The following HERC3 variants were observed in gnomAD, a reference collection of about 807,000 sequenced individuals.
HERC3 encodes HECT and RLD domain containing E3 ubiquitin protein ligase 3.
HERC3 carries 58 observed loss-of-function variants against 129.9 expected under a neutral mutation model. The observed-to-expected ratio is 0.45, with a 90% CI of 0.36 to 0.56. The LOEUF is 0.56. Ranked by LOEUF, HERC3 falls within the 20% of genes least tolerant of loss-of-function variation. The pLI, the probability that HERC3 is intolerant of heterozygous loss-of-function variation, is 0.00. For synonymous variants in HERC3, 430 were observed against 451.0 expected (o/e 0.95, Z 0.59); for missense variants, 835 against 1,244.2 (o/e 0.67, Z 4.95).
chr4:88,542,471 G>A, the HERC3 span, among the ~76,000 whole-genome samples: 3 of 152,236 alleles, frequency 2.0e-5, no homozygotes, highest in African/African-American at 7.2e-5. Flanking sequence ...AAAAAGTCCA[G>A]GACCAGATGG....
At chr4:88,663,102 G>C (rs1730672567) in intron 11 of HERC3, among the ~76,000 whole-genome samples, 1 of 151,952 alleles carries the variant, frequency 6.6e-6, no homozygotes, top group Admixed American at 6.6e-5. Flanking sequence ...GCTTTCCTCA[G>C]CCTCTCCACT....
chr4:88,666,921 A>G (rs1188838849), intron 12 of HERC3, among the ~76,000 whole-genome samples: 1 of 152,188 alleles, frequency 6.6e-6, no homozygotes, highest in Non-Finnish European at 1.5e-5. Flanking sequence ...AGGAAGTTCT[A>G]CTGTCATTTG....
At chr4:88,631,506 C>T (rs1244265334) in intron 3 of HERC3, among the ~76,000 whole-genome samples, 4 of 152,144 alleles carry the variant, frequency 2.6e-5, no homozygotes, top group Admixed American at 2.6e-4. Flanking sequence ...ACTAATCTTT[C>T]TCTCTGATTC....
At chr4:88,609,084 G>T (rs1158818957) in intron 3 of HERC3, among the ~76,000 whole-genome samples, 1 of 150,410 alleles carries the variant, frequency 6.6e-6, no homozygotes, top group Non-Finnish European at 1.5e-5. Flanking sequence ...CCAAGGAGTT[G>T]GGGACCAGCC....
chr4:88,705,769 G>A (rs2972031), intron 25 of HERC3, among the ~76,000 whole-genome samples: 12,866 of 152,248 alleles, frequency 0.085, 986 homozygotes, highest in South Asian at 0.33. Context: ...CACAGGGTTT[G>A]ATAGGCAGTC....
At chr4:88,573,349 A>G in the HERC3 span, among the ~76,000 whole-genome samples, 1 of 152,218 alleles carries the variant, frequency 6.6e-6, no homozygotes, top group Non-Finnish European at 1.5e-5. Context: ...ATATAGCCCA[A>G]TCTCTTGATC....
chr4:88,640,870 A>G (rs1263370356), intron 3 of HERC3, among the ~76,000 whole-genome samples: 4 of 152,358 alleles, frequency 2.6e-5, no homozygotes, highest in East Asian at 1.9e-4. Flanking sequence ...TCTAAAAATT[A>G]TATTTGGAGA....
chr4:88,684,229 A>G (rs1733140549), intron 21 of HERC3, among the ~76,000 whole-genome samples: 1 of 152,344 alleles, frequency 6.6e-6, no homozygotes, highest in South Asian at 2.1e-4. Flanking sequence ...CTGCAAGGCT[A>G]TAGTAACCAA....
At chr4:88,612,114 C>T (rs114142970) in intron 3 of HERC3, among the ~76,000 whole-genome samples, 1,888 of 152,194 alleles carry the variant, frequency 0.012, 42 homozygotes, top group African/African-American at 0.042. Flanking sequence ...GTAGATGTGC[C>T]AGAGCAGTGA....
the HERC3 span, among the ~76,000 whole-genome samples, chr4:88,538,211 G>A: frequency 6.6e-6 from 1 of 152,158 alleles, no homozygotes; most frequent in Non-Finnish European, 1.5e-5. Context: ...CGCAGTAAAG[G>A]AACCATGCAG....
intron 2 of HERC3, among the ~76,000 whole-genome samples, chr4:88,597,235 T>C (rs918564406): frequency 2.6e-5 from 4 of 152,232 alleles, no homozygotes; most frequent in Non-Finnish European, 5.9e-5. Flanking sequence ...AATAAAATAT[T>C]AACTATTTCA....
chr4:88,628,710 A>G (rs1237638611), intron 3 of HERC3, among the ~76,000 whole-genome samples: 3 of 152,214 alleles, frequency 2.0e-5, no homozygotes, highest in Non-Finnish European at 4.4e-5. Context: ...CTCATCTTGC[A>G]TTATAATCTA....
the HERC3 span, among the ~76,000 whole-genome samples, chr4:88,540,418 CA>C: frequency 6.6e-6 from 1 of 152,094 alleles, no homozygotes; most frequent in African/African-American, 2.4e-5. Flanking sequence ...AAGAAATGAA[CA>C]AAGCATCCGA....
intron 20 of HERC3, 101 bp from the exon 21 acceptor site, chr4:88,681,058 T>G: frequency 2.7e-6 from 4 of 1,471,368 alleles, no homozygotes. Flanking sequence ...AATGAGACCT[T>G]TATTCTTTTA....
At chr4:88,697,422 G>C in intron 23 of HERC3, 1 of 1,613,998 alleles carries the variant, frequency 6.2e-7, no homozygotes, top group Non-Finnish European at 8.5e-7. Flanking sequence ...GCTTATAGAT[G>C]TCATTATACT....
chr4:88,560,302 T>C, the HERC3 span, among the ~76,000 whole-genome samples: 2 of 152,138 alleles, frequency 1.3e-5, no homozygotes, highest in Non-Finnish European at 2.9e-5. Flanking sequence ...TGAGGTGATA[T>C]CTCATAATGG....
At chr4:88,552,217 C>T in the HERC3 span, among the ~76,000 whole-genome samples, 4 of 151,260 alleles carry the variant, frequency 2.6e-5, no homozygotes, top group Non-Finnish European at 4.4e-5. Flanking sequence ...CACACCAGCA[C>T]GGCACATGTA....
chr4:88,588,939 G>A (rs1281168864), upstream of HERC3, among the ~76,000 whole-genome samples: 1 of 152,104 alleles, frequency 6.6e-6, no homozygotes, highest in Non-Finnish European at 1.5e-5. Flanking sequence ...CAAAAGTTAT[G>A]GTTAGTTTAA....
chr4:88,571,993 C>T, the HERC3 span, among the ~76,000 whole-genome samples: 1 of 152,066 alleles, frequency 6.6e-6, no homozygotes, highest in Non-Finnish European at 1.5e-5. Context: ...GTAAGGTCAT[C>T]AGAGTGGGCC....
Sources: gnomAD v4.1 joint callset for allele counts (sites outside exome capture counted in the v4.1 genomes callset) on GRCh38, gnomAD v4.1.1 for gene constraint, MANE v1.5 for transcripts, NCBI Gene and HGNC (gene_info 2026-07-23, HGNC 2026-07-21) for gene names.